The following RBM33 variants were observed in gnomAD, a reference collection of about 807,000 sequenced individuals.
The protein encoded by RBM33 is RNA-binding protein 33.
RBM33 carries 28 observed loss-of-function variants against 132.6 expected under a neutral mutation model. The ratio of observed to expected loss-of-function variants is 0.21; its 90% CI spans 0.16 to 0.29. RBM33 has a LOEUF of 0.29. Among genes scored for constraint, RBM33 ranks in the 10% least tolerant of loss-of-function variants. RBM33 has a pLI of 1.00. For missense variants in RBM33, 1,291 were observed against 1,518.5 expected, an observed-to-expected ratio of 0.85 and a Z score of 2.49; for synonymous variants, 634 against 593.0, an observed-to-expected ratio of 1.07 and a Z score of -1.01.
chr7:155,695,419 C>T (rs1047495360), intron 5 of RBM33, among the ~76,000 whole-genome samples: 9 of 151,986 alleles, frequency 5.9e-5, no homozygotes, highest in African/African-American at 1.7e-4. Context: ...ATTACATATT[C>T]GTATTATAAA....
At chr7:155,658,937 C>A (rs911713278) in intron 1 of RBM33, among the ~76,000 whole-genome samples, 4 of 152,200 alleles carry the variant, frequency 2.6e-5, no homozygotes, top group Non-Finnish European at 5.9e-5. Context: ...CAGCTTTGTT[C>A]ATTTTTCCTT....
At chr7:155,739,634 G>T (rs1213186640) in intron 11 of RBM33, 81 bp from the exon 12 acceptor site, 7 of 1,426,146 alleles carry the variant, frequency 4.9e-6, no homozygotes, top group Non-Finnish European at 6.5e-6. Context: ...TTGTGTTGAG[G>T]TTTTTTAGGA....
At chr7:155,689,117 T>A (rs1249306848) in intron 5 of RBM33, among the ~76,000 whole-genome samples, 14 of 152,214 alleles carry the variant, frequency 9.2e-5, no homozygotes, top group Non-Finnish European at 1.5e-5. Context: ...TTTTTTTGGT[T>A]GGTAAGCTAT....
intron 1 of RBM33, among the ~76,000 whole-genome samples, chr7:155,661,923 T>C (rs1261332029): frequency 2.0e-5 from 3 of 152,190 alleles, no homozygotes; most frequent in Non-Finnish European, 4.4e-5. Context: ...GTTTCTTCCA[T>C]ATCTTGTAAT....
chr7:155,771,172 G>A (rs1802414637), intron 16 of RBM33, among the ~76,000 whole-genome samples: 1 of 152,182 alleles, frequency 6.6e-6, no homozygotes, highest in South Asian at 2.1e-4. Flanking sequence ...TGTTCTGGGT[G>A]AAGAAAAGTT....
rs1802117466 is a variant in RBM33 at position 155,763,819 on chromosome 7, A to G, written c.2987A>G (p.Glu996Gly). ...RVIKLSGGGG[E>G]SDGFFHPEGQ... ...CCTTCTTGGTTTCAGCAGGGAGGAG[A>G]GAGCGATGGCTTTTTTCACCCAGAA... Residue 996 changes from glutamate (E) to glycine (G), a missense_variant, in exon 15 of 18, where the codon GAG becomes GGG. Around this residue, in one of 7 missense-constraint regions of RBM33, gnomAD observed 841 missense variants for 912.0 expected, o/e 0.92. Transcript: ENST00000401878. The G allele has an allele frequency of 1.2e-6, 2 of 1,609,918 alleles. No homozygotes were observed. The highest frequency in any genetic ancestry group is 1.7e-6 in the Non-Finnish European group (2 of 1,178,158).
At chr7:155,697,643 T>A (rs1315217477) in intron 5 of RBM33, among the ~76,000 whole-genome samples, 1 of 152,142 alleles carries the variant, frequency 6.6e-6, no homozygotes, top group African/African-American at 2.4e-5. Flanking sequence ...CTGTTTAGAT[T>A]TTGGGATAGA....
At position 155,774,701 on chromosome 7, in the gene RBM33, C is replaced by A; in HGVS notation, c.3464+54C>A. The A allele has an allele frequency of 7.3e-7, 1 of 1,361,814 alleles. No homozygotes were observed. Among genetic ancestry groups the A allele is most frequent in the Non-Finnish European group, 1.1e-6 (1 of 949,954 alleles). 84.4% of individuals were successfully genotyped at this position (1,361,814 alleles called of 1,614,324 possible). On this transcript the variant is annotated intron_variant, in intron 17 of 17. Transcript: ENST00000401878. The surrounding 1 kb of genome is among the most constrained non-coding windows in gnomAD (Gnocchi z 4.2). The stretch of plus-strand genomic sequence containing the variant: ...ATAAGGGGGCGGGAGCAAGGCCCTC[C>A]TTCCTGTGCCCTCCCATCCATCATG...
chr7:155,673,942 T>TGTTGTTTGTTTTTTTTTTTG (rs780547846), intron 3 of RBM33, among the ~76,000 whole-genome samples: 2 of 31,426 alleles, frequency 6.4e-5, no homozygotes, highest in Non-Finnish European at 1.8e-4. Context: ...TAGGCTTAGT[T>TGTTGTTTGTTTTTTTTTTTG]TTTTTTTTTT....
At chr7:155,697,499 A>G (rs1196723087) in intron 5 of RBM33, among the ~76,000 whole-genome samples, 1 of 152,128 alleles carries the variant, frequency 6.6e-6, no homozygotes, top group African/African-American at 2.4e-5. Context: ...CAATAATTCT[A>G]TCAATAAGCA....
chr7:155,649,199 G>A (rs10268171), intron 1 of RBM33, among the ~76,000 whole-genome samples: 2,470 of 152,192 alleles, frequency 0.016, 58 homozygotes, highest in African/African-American at 0.055. Flanking sequence ...CCTTAGACTG[G>A]ATAATTTCAA....
chr7:155,645,018 C>G lies in RBM33; in HGVS notation c.43+99C>G, dbSNP rs572670855. 5.0e-5 allele frequency: 44 copies of G among 879,706 alleles called. No homozygotes were observed. The African/African-American group carries it at 5.9e-4, about 12-fold the overall frequency. The allele number at this position is 879,706 out of a possible 1,614,324, so 54.5% of individuals were successfully genotyped here. A position where few individuals can be genotyped will look rare whatever the true frequency, so the allele number is the denominator to read the frequency against. On this transcript the variant is annotated intron_variant, in intron 1 of 17. Transcript: ENST00000401878. ...CCGCTTAGGAGAGGACGAGGCTCTC[C>G]CCGGCTCCGACTCTCTTTGTGTTCG...
chr7:155,663,024 T>C (rs1798697784), intron 1 of RBM33, among the ~76,000 whole-genome samples: 1 of 152,204 alleles, frequency 6.6e-6, no homozygotes, highest in South Asian at 2.1e-4. Context: ...AAGTGTCTTT[T>C]CATTTGTTGT....
intron 16 of RBM33, among the ~76,000 whole-genome samples, chr7:155,768,481 C>T (rs1260122638): frequency 1.3e-5 from 2 of 151,966 alleles, no homozygotes; most frequent in Non-Finnish European, 2.9e-5. Context: ...GGAATAGTGT[C>T]GAGTCTCTGT....
Position 155,745,351 on chromosome 7 carries a change from C to A in RBM33, c.2728C>A (p.Leu910Met). 6.2e-7 allele frequency: 1 copy of A among 1,613,314 alleles called. No homozygotes were observed. Among genetic ancestry groups the A allele is most frequent in the Non-Finnish European group, 8.5e-7 (1 of 1,179,540 alleles). ...GTATCAAGGACAACAGATGAAAGCACTGAAACATTTGAGACAGACCAGAAC... is the reference window on the plus strand; with the variant it reads ...GTATCAAGGACAACAGATGAAAGCAATGAAACATTTGAGACAGACCAGAAC... The part of the protein sequence containing the change: ...MQYQGQQMKA[L>M]KHLRQTRTVP... The change falls in exon 14 of 18, where the codon CTG becomes ATG. Residue 910 changes from leucine to methionine, a missense_variant. Leu to Met is a conservative substitution (Grantham distance 15). Around this residue, in one of 7 missense-constraint regions of RBM33, gnomAD observed 841 missense variants for 912.0 expected, o/e 0.92. Transcript: ENST00000401878. The surrounding 1 kb of genome is among the most constrained non-coding windows in gnomAD (Gnocchi z 4.1).
chr7:155,682,556 G>A (rs2116926460), intron 5 of RBM33, among the ~76,000 whole-genome samples: 1 of 152,312 alleles, frequency 6.6e-6, no homozygotes, highest in African/African-American at 2.4e-5. Context: ...AAAGTAAGAT[G>A]ATTGGCTAAT....
At chr7:155,751,630 G>A (rs746280110) in intron 14 of RBM33, among the ~76,000 whole-genome samples, 3 of 152,136 alleles carry the variant, frequency 2.0e-5, no homozygotes, top group African/African-American at 2.4e-5. Context: ...TCCATATTTG[G>A]CAGGAACACC....
At chr7:155,690,121 C>G (rs1277400679) in intron 5 of RBM33, among the ~76,000 whole-genome samples, 1 of 152,136 alleles carries the variant, frequency 6.6e-6, no homozygotes, top group African/African-American at 2.4e-5. Context: ...CTTTGTAGGT[C>G]TCTCAGGACT....
chr7:155,649,700 G>T (rs1798303449), intron 1 of RBM33, among the ~76,000 whole-genome samples: 1 of 151,922 alleles, frequency 6.6e-6, no homozygotes, highest in Non-Finnish European at 1.5e-5. Flanking sequence ...TCTATTCCTT[G>T]TCTCCTGTGG....
Sources: gnomAD v4.1 joint callset for allele counts (sites outside exome capture counted in the v4.1 genomes callset) on GRCh38, gnomAD v4.1.1 for gene constraint, gnomAD v4.1.1 regional missense constraint, Gnocchi (gnomAD v3.1) non-coding constraint, MANE v1.5 for transcripts, NCBI Gene and HGNC (gene_info 2026-07-23, HGNC 2026-07-21) for gene names.